The following DLGAP1 variants were observed in gnomAD, a reference collection of about 807,000 sequenced individuals.
The protein encoded by DLGAP1 is disks large-associated protein 1.
Under a neutral mutation model 90.8 loss-of-function variants are expected in DLGAP1, and 11 were observed. The ratio of observed to expected loss-of-function variants is 0.12; its 90% CI spans 0.08 to 0.20. DLGAP1 has a LOEUF of 0.20. Ranked by LOEUF, DLGAP1 falls within the 10% of genes least tolerant of loss-of-function variation. The probability of loss-of-function intolerance (pLI) is 1.00; values close to 1 mark genes in which losing one functional copy is unlikely to be tolerated. For missense variants in DLGAP1, 1,050 were observed against 1,333.8 expected, an observed-to-expected ratio of 0.79 and a Z score of 3.31; for synonymous variants, 558 against 540.7, an observed-to-expected ratio of 1.03 and a Z score of -0.44.
intron 4 of DLGAP1, among the ~76,000 whole-genome samples, chr18:3,842,531 C>T (rs1225103183): frequency 2.6e-5 from 4 of 151,140 alleles, no homozygotes; most frequent in Admixed American, 6.6e-5. Context: ...GGAGGTTTAA[C>T]TGGGATCGTG....
rs571273518 is a variant in DLGAP1 at position 3,858,524 on chromosome 18, A to G, written c.957+20588T>C. ...TATACATATATATACACGTATATAT[A>G]TATGCACACACACACACACACATAT... On this transcript the variant is annotated intron_variant, in intron 4 of 12. Coordinates refer to ENST00000315677, the MANE Select transcript of DLGAP1 (RefSeq NM_004746.4). Among the ~76,000 whole-genome samples, 98 of 146,030 alleles carry G rather than the reference A, an allele frequency of 6.7e-4. 1 individual carries two copies. The highest frequency in any genetic ancestry group is 1.0e-3 in the Non-Finnish European group (69 of 66,434).
At chr18:3,821,838 G>C in intron 4 of DLGAP1, 1 of 872,298 alleles carries the variant, frequency 1.1e-6, no homozygotes, top group Non-Finnish European at 1.4e-6. Context: ...AGAAATGGCT[G>C]TAATGTGTTG....
At chr18:3,834,654 T>C (rs1014842379) in intron 4 of DLGAP1, among the ~76,000 whole-genome samples, 2 of 152,158 alleles carry the variant, frequency 1.3e-5, no homozygotes, top group African/African-American at 4.8e-5. Flanking sequence ...ATGTAGAAAA[T>C]AGCAGAAGGC....
At chr18:4,114,623 T>C (rs1355416411) in intron 2 of DLGAP1, among the ~76,000 whole-genome samples, 2 of 152,124 alleles carry the variant, frequency 1.3e-5, no homozygotes, top group Non-Finnish European at 2.9e-5. Context: ...GTCTGGTTGC[T>C]CTGGGTATGA....
At chr18:3,684,705 G>C (rs1290963494) in intron 7 of DLGAP1, among the ~76,000 whole-genome samples, 1 of 152,118 alleles carries the variant, frequency 6.6e-6, no homozygotes. Flanking sequence ...CACTGACAGA[G>C]ACTAGGCAAA....
At position 4,424,386 on chromosome 18, in the gene DLGAP1, G is replaced by C. The variant is rs954836514; in HGVS notation, c.-267+30620C>G. 2.6e-5 allele frequency among the ~76,000 whole-genome samples: 4 copies of C among 152,242 alleles called. No homozygotes were observed. In the East Asian group the frequency reaches 7.7e-4, roughly 29 times the overall value. ...AATTTCAATTTGCAGAAAGCTAAAA[G>C]ATTTACATTTTCCAGAATTCACCTC... On this transcript the variant is annotated intron_variant, in intron 1 of 12. Coordinates refer to ENST00000315677, the MANE Select transcript of DLGAP1 (RefSeq NM_004746.4).
chr18:4,091,982 T>C (rs2075779057), intron 2 of DLGAP1, among the ~76,000 whole-genome samples: 1 of 152,052 alleles, frequency 6.6e-6, no homozygotes, highest in African/African-American at 2.4e-5. Context: ...CTAAGATAAA[T>C]AGTATCTATG....
intron 1 of DLGAP1, among the ~76,000 whole-genome samples, chr18:4,402,465 C>T (rs1407205905): frequency 6.6e-6 from 1 of 152,096 alleles, no homozygotes; most frequent in Non-Finnish European, 1.5e-5. Flanking sequence ...AAAGAAAATG[C>T]CTTATTTGCT....
At chr18:3,531,594 T>C (rs1045400124) in intron 10 of DLGAP1, among the ~76,000 whole-genome samples, 1 of 152,128 alleles carries the variant, frequency 6.6e-6, no homozygotes, top group Non-Finnish European at 1.5e-5. Context: ...AGCCATTCTC[T>C]GCCTCAGCCT....
intron 2 of DLGAP1, among the ~76,000 whole-genome samples, chr18:4,134,576 C>T (rs1218071924): frequency 1.3e-5 from 2 of 152,022 alleles, no homozygotes; most frequent in African/African-American, 4.8e-5. Flanking sequence ...AGTAATTTTT[C>T]TTAAATAAAA....
intron 7 of DLGAP1, among the ~76,000 whole-genome samples, chr18:3,634,669 A>G (rs1374631407): frequency 6.6e-6 from 1 of 152,180 alleles, no homozygotes. Flanking sequence ...TGGTTCATGG[A>G]TTATTAATTC....
Position 4,322,553 on chromosome 18 carries a change from CAT to C in DLGAP1, c.-267+132451_-267+132452del, listed in dbSNP as rs140249725. Among the ~76,000 whole-genome samples, 1,143 of 152,174 alleles carry C rather than the reference CAT, an allele frequency of 7.5e-3. 16 individuals are homozygous for C. Among genetic ancestry groups the C allele is most frequent in the African/African-American group, 0.026 (1,082 of 41,516 alleles). On this transcript the variant is annotated intron_variant, in intron 1 of 12. Coordinates refer to ENST00000315677, the MANE Select transcript of DLGAP1 (RefSeq NM_004746.4). The stretch of plus-strand genomic sequence containing the variant: ...AAATTGTAGAACTGCTAGAAGAAAA[CAT>C]AGGGGGAAAGCTCCACAACAGTAAT...
chr18:4,019,640 AT>A (rs33954700), intron 2 of DLGAP1, among the ~76,000 whole-genome samples: 98,044 of 151,830 alleles, frequency 0.65, 31,885 homozygotes, highest in Middle Eastern at 0.71. Flanking sequence ...GTTTGGGGGA[AT>A]TTTTTTGTTC....
chr18:3,671,952 G>A (rs2060100863), intron 7 of DLGAP1, among the ~76,000 whole-genome samples: 1 of 152,024 alleles, frequency 6.6e-6, no homozygotes, highest in African/African-American at 2.4e-5. Flanking sequence ...TGCCAACAGA[G>A]TCCTGCATAA....
intron 11 of DLGAP1, among the ~76,000 whole-genome samples, chr18:3,504,571 A>G (rs1028511715): frequency 6.6e-6 from 1 of 151,800 alleles, no homozygotes; most frequent in Non-Finnish European, 1.5e-5. Flanking sequence ...TTTTTTGTAG[A>G]GATGGGGTCT....
At chr18:3,530,821 T>C (rs2051942972) in intron 10 of DLGAP1, among the ~76,000 whole-genome samples, 1 of 152,176 alleles carries the variant, frequency 6.6e-6, no homozygotes, top group Admixed American at 6.5e-5. Context: ...TTGTTTGCAC[T>C]CATAATATGA....
intron 3 of DLGAP1, among the ~76,000 whole-genome samples, chr18:3,938,930 G>A (rs1275933372): frequency 2.0e-5 from 3 of 152,176 alleles, no homozygotes; most frequent in East Asian, 1.9e-4. Flanking sequence ...AAGGGACAGC[G>A]AAGGTGATGA....
intron 3 of DLGAP1, among the ~76,000 whole-genome samples, chr18:4,004,430 T>C (rs766653055): frequency 9.9e-4 from 151 of 152,266 alleles, no homozygotes; most frequent in Non-Finnish European, 1.9e-4. Context: ...CCCTTCCGAA[T>C]TAACCTGTTC....
chr18:4,044,201 A>G (rs2075015968), intron 2 of DLGAP1, among the ~76,000 whole-genome samples: 1 of 152,208 alleles, frequency 6.6e-6, no homozygotes, highest in African/African-American at 2.4e-5. Flanking sequence ...TCTTTCCTGG[A>G]AAGTTCAATC....
Sources: allele counts gnomAD v4.1 joint callset (sites outside exome capture counted in the v4.1 genomes callset), GRCh38; gene constraint gnomAD v4.1.1; transcripts MANE v1.5; gene names NCBI Gene and HGNC (gene_info 2026-07-23, HGNC 2026-07-21).